The following CEP68 variants were observed in gnomAD, a reference collection of about 807,000 sequenced individuals.
The protein encoded by CEP68 is centrosomal protein 68.
A neutral mutation model predicts 55.3 loss-of-function variants in CEP68; 26 were observed. The ratio of observed to expected loss-of-function variants is 0.47; its 90% CI spans 0.34 to 0.65. CEP68 has a LOEUF of 0.65. CEP68 is among the 30% of genes least tolerant of loss of function. The pLI is 0.01. For missense variants in CEP68, 957 were observed against 946.7 expected (o/e 1.01, Z -0.14); for synonymous variants, 402 against 383.2 (o/e 1.05, Z -0.57).
intron 1 of CEP68, among the ~76,000 whole-genome samples, chr2:65,062,840 A>G (rs1675979875): frequency 6.6e-6 from 1 of 152,184 alleles, no homozygotes. Context: ...CTATCTCAAA[A>G]AAAAAAATAG....
chr2:65,058,569 C>T lies in CEP68; in HGVS notation c.-47+2041C>T, dbSNP rs1166742324. Among the ~76,000 whole-genome samples the T allele has an allele frequency of 3.8e-5, 5 of 133,066 alleles. No individual in the cohort carries two copies. In the Admixed American group the frequency reaches 4.4e-4, roughly 12 times the overall value. The allele number at this position is 133,066 out of a possible 152,430, so 87.3% of individuals were successfully genotyped here. ...TTGGCCAGGCTGGAGTGCAATGGCA[C>T]AGTCTCAGCTCACTGCAACCTCTTC... On this transcript the variant is annotated intron_variant, in intron 1 of 6. Coordinates refer to ENST00000377990, the MANE Select transcript of CEP68 (RefSeq NM_015147.3).
At chr2:65,058,182 A>G (rs1304670081) in intron 1 of CEP68, among the ~76,000 whole-genome samples, 1 of 152,174 alleles carries the variant, frequency 6.6e-6, no homozygotes, top group Admixed American at 6.5e-5. Flanking sequence ...TTGACCCTTC[A>G]GGATCTCTCT....
intron 4 of CEP68, 83 bp from the exon 5 acceptor site, chr2:65,077,785 C>G: frequency 9.9e-7 from 1 of 1,010,990 alleles, no homozygotes; most frequent in Non-Finnish European, 1.5e-6. Flanking sequence ...ATAAGGCTTC[C>G]CTACATGCTG....
chr2:65,073,529 C>T lies in CEP68; in HGVS notation c.1884+549C>T, dbSNP rs540945979. 2.2e-4 allele frequency: 40 copies of T among 180,906 alleles called. 1 individual carries two copies. In the South Asian group the frequency reaches 4.2e-3, roughly 19 times the overall value. 11.2% of individuals were successfully genotyped at this position (180,906 alleles called of 1,614,324 possible). The stretch of plus-strand genomic sequence containing the variant: ...ATATCTGGAGGTATAAAGAACACTG[C>T]GTGGAATAGGGTTATCGGTGTCAGG... On this transcript the variant is annotated intron_variant, in intron 3 of 6. Coordinates refer to ENST00000377990, the MANE Select transcript of CEP68 (RefSeq NM_015147.3).
At chr2:65,063,457 T>A (rs1349842062) in intron 1 of CEP68, among the ~76,000 whole-genome samples, 1 of 152,216 alleles carries the variant, frequency 6.6e-6, no homozygotes, top group African/African-American at 2.4e-5. Context: ...CACTGTAAAA[T>A]GTGTGATCCG....
At chr2:65,081,165 T>A (rs559709148) in intron 5 of CEP68, among the ~76,000 whole-genome samples, 2 of 151,328 alleles carry the variant, frequency 1.3e-5, no homozygotes, top group East Asian at 3.9e-4. Context: ...GAGCCGAGAT[T>A]TGTGCCGCTG....
chr2:65,073,369 G>GT, intron 3 of CEP68: 1 of 311,494 alleles, frequency 3.2e-6, no homozygotes, highest in Non-Finnish European at 6.2e-6. Context: ...CTAAACAAAG[G>GT]TAAGTGGCTT....
rs1288729933 is a variant in CEP68 at position 65,074,297 on chromosome 2, C to G, written c.1900C>G (p.Leu634Val). Residue 634 changes from leucine to valine, a missense_variant, in exon 4 of 7, where the codon CTG (leucine) becomes GTG (valine). Physicochemically the swap from Leu to Val is conservative, Grantham distance 32. Transcript: ENST00000377990. ...GTCTCTGCAGACATTTTGCTGTCAG[C>G]TGGAAGAGCTGATCTGCTGGCTGTA... ...VQCVKTFCCQLEELICWLYNV... is the reference protein window; with the variant it reads ...VQCVKTFCCQVEELICWLYNV... 6 of 1,614,046 alleles carry G rather than the reference C, an allele frequency of 3.7e-6. No individual in the cohort carries two copies.
intron 2 of CEP68, among the ~76,000 whole-genome samples, chr2:65,070,132 T>A (rs2103770167): frequency 6.6e-6 from 1 of 152,222 alleles, no homozygotes; most frequent in Non-Finnish European, 1.5e-5. Context: ...GACTTGGTGA[T>A]TAAAGGCTTT....
At position 65,072,769 on chromosome 2, in the gene CEP68, T is replaced by G. The variant is rs957289140; in HGVS notation, c.1673T>G (p.Phe558Cys). The change falls in exon 3 of 7, where the codon TTC becomes TGC. Residue 558 changes from phenylalanine to cysteine, a missense_variant. Physicochemically the swap from Phe to Cys is radical, Grantham distance 205 (BLOSUM62 -2). Coordinates refer to ENST00000377990, the MANE Select transcript of CEP68 (RefSeq NM_015147.3). ...SGDPEGQNPC[F>C]LRSFVRAHDS... ...GATCCTGAGGGCCAGAATCCCTGTT[T>G]CCTGCGCTCCTTCGTCCGTGCCCAC... 4 of 1,613,982 alleles carry G rather than the reference T, an allele frequency of 2.5e-6. No individual in the cohort carries two copies. In the African/African-American group the frequency reaches 5.3e-5, roughly 22 times the overall value.
At chr2:65,057,670 G>A (rs1380092172) in intron 1 of CEP68, among the ~76,000 whole-genome samples, 1 of 152,166 alleles carries the variant, frequency 6.6e-6, no homozygotes, top group Non-Finnish European at 1.5e-5. Context: ...GAAGCCAAAA[G>A]GAAACAAAAT....
intron 5 of CEP68, among the ~76,000 whole-genome samples, chr2:65,078,560 T>C (rs1353407269): frequency 6.6e-6 from 1 of 152,154 alleles, no homozygotes; most frequent in Admixed American, 6.5e-5. Context: ...GCTTTTGAGA[T>C]GGAGTTTCGC....
rs140661485 is a variant in CEP68, at chr2:65,061,188, A to G, written c.-47+4660A>G. 4.2e-3 allele frequency among the ~76,000 whole-genome samples: 636 copies of G among 152,274 alleles called. 6 individuals are homozygous for G. The highest frequency in any genetic ancestry group is 0.015 in the African/African-American group (612 of 41,534). ...CTCCATCTCAAATTAAAAAAAAGAAAAAAAAGGGCTACCTAAAGACCTTGC... is the reference window on the plus strand; with the variant it reads ...CTCCATCTCAAATTAAAAAAAAGAAGAAAAAGGGCTACCTAAAGACCTTGC... On this transcript the variant is annotated intron_variant, in intron 1 of 6. Coordinates refer to ENST00000377990, the MANE Select transcript of CEP68 (RefSeq NM_015147.3).
chr2:65,062,459 G>A (rs1004052641), intron 1 of CEP68, among the ~76,000 whole-genome samples: 1 of 151,628 alleles, frequency 6.6e-6, no homozygotes, highest in Non-Finnish European at 1.5e-5. Flanking sequence ...CTTGAACCCG[G>A]GAGGCAGAGG....
intron 3 of CEP68, 196 bp downstream of exon 3, chr2:65,073,176 A>G: frequency 2.8e-6 from 2 of 702,584 alleles, no homozygotes; most frequent in Non-Finnish European, 5.1e-6. Context: ...TTTGGAGGAA[A>G]GAGCAGAGAG....
chr2:65,070,437 C>G (rs1263055290), intron 2 of CEP68, among the ~76,000 whole-genome samples: 1 of 151,742 alleles, frequency 6.6e-6, no homozygotes, highest in East Asian at 1.9e-4. Flanking sequence ...ATCTGTTCTG[C>G]CCAGCTCTTA....
chr2:65,080,717 C>G, intron 5 of CEP68: 1 of 200,176 alleles, frequency 5.0e-6, no homozygotes, highest in Non-Finnish European at 8.9e-6. Context: ...ACTCAGGAGG[C>G]TGGGGCAGGA....
intron 1 of CEP68, among the ~76,000 whole-genome samples, chr2:65,062,628 G>C (rs535302656): frequency 1.1e-4 from 17 of 151,650 alleles, no homozygotes; most frequent in Non-Finnish European, 1.9e-4. Flanking sequence ...CTAAGCTCAG[G>C]AGTTCGAGAC....
chr2:65,073,005 C>G (rs765494507), intron 3 of CEP68, 25 bp downstream of exon 3: 1 of 1,612,080 alleles, frequency 6.2e-7, no homozygotes, highest in South Asian at 1.1e-5. Context: ...CGTTAGGAAG[C>G]TTTGTGTACA....
Sources: allele counts gnomAD v4.1 joint callset (sites outside exome capture counted in the v4.1 genomes callset), GRCh38; gene constraint gnomAD v4.1.1; transcripts MANE v1.5; gene names NCBI Gene and HGNC (gene_info 2026-07-23, HGNC 2026-07-21).